CELSR1: variants seen among roughly 807,000 people sequenced by gnomAD.
CELSR1 encodes cadherin EGF LAG seven-pass G-type receptor 1, also known as adhesion G protein-coupled receptor C1.
A neutral mutation model predicts 249.1 loss-of-function variants in CELSR1; 110 were observed. The observed-to-expected ratio is 0.44, with a 90% confidence interval of 0.38 to 0.52. CELSR1 has a LOEUF of 0.52. Among genes scored for constraint, CELSR1 ranks in the 20% least tolerant of loss-of-function variants. The pLI is 0.00. For synonymous variants in CELSR1, 2,113 were observed against 1,900.0 expected, an observed-to-expected ratio of 1.11 and a Z score of -2.92; for missense variants, 4,109 against 4,296.4, an observed-to-expected ratio of 0.96 and a Z score of 1.22.
chr22:46,436,155 C>A lies in CELSR1; in HGVS notation c.4522+19G>T. On this transcript the variant is annotated intron_variant, in intron 4 of 34. Transcript: ENST00000674500. This position sits in a 1 kb window ranked among gnomAD's most constrained non-coding sequence, Gnocchi z 5.9. ...CTGTGAATTGCTCAGAGCTGCCCTT[C>A]CTGGGGAGAAGGCCCCACCTGCAGA... is the stretch of plus-strand genomic sequence containing the variant. 1 of 1,603,818 alleles carries A rather than the reference C, an allele frequency of 6.2e-7. No individual in the cohort carries two copies. Among genetic ancestry groups the A allele is most frequent in the Non-Finnish European group, 8.5e-7 (1 of 1,171,102 alleles).
chr22:46,477,929 C>T (rs1411315041), intron 1 of CELSR1, among the ~76,000 whole-genome samples: 2 of 152,144 alleles, frequency 1.3e-5, no homozygotes, highest in South Asian at 2.1e-4. Context: ...GGTGCCAGCC[C>T]CCGGGAGGAT....
rs1349602031 is a variant in CELSR1 at position 46,397,668 on chromosome 22, T to A, written c.5701+6A>T. The A allele has an allele frequency of 3.4e-6, 5 of 1,488,012 alleles. No homozygotes were observed. Among genetic ancestry groups the A allele is most frequent in the East Asian group, 5.2e-5 (2 of 38,710 alleles). 92.2% of individuals were successfully genotyped at this position (1,488,012 alleles called of 1,614,324 possible). A position where few individuals can be genotyped will look rare whatever the true frequency, so the allele number is the denominator to read the frequency against. On this transcript the variant is annotated splice_donor_region_variant and intron_variant, in intron 12 of 34. Transcript: ENST00000674500. ...TCACTGAAGGGCCCCGGGAGGGCGGTCCCACCTTTGTCACAGACGCAGCTG... is the reference window on the plus strand; with the variant it reads ...TCACTGAAGGGCCCCGGGAGGGCGGACCCACCTTTGTCACAGACGCAGCTG...
chr22:46,462,141 C>T lies in CELSR1; in HGVS notation c.4183+1566G>A, dbSNP rs376964911. Reference sequence around the variant, plus strand: ...GCCTGCCTTGCCCACAGCCGAGCCCCGGTATAGCCAGGAATTTAGGATTAG... The same window carrying T: ...GCCTGCCTTGCCCACAGCCGAGCCCTGGTATAGCCAGGAATTTAGGATTAG... On this transcript the variant is annotated intron_variant, in intron 2 of 34. Coordinates refer to ENST00000674500, the MANE Select transcript of CELSR1 (RefSeq NM_001378328.1). Among the ~76,000 whole-genome samples the T allele has an allele frequency of 3.3e-5, 5 of 152,336 alleles. 1 individual carries two copies. In the South Asian group the frequency reaches 6.2e-4, roughly 19 times the overall value.
rs77749125 is a variant in CELSR1, at chr22:46,485,929, C to CTT, written c.3545-21586_3545-21585dup. On this transcript the variant is annotated intron_variant, in intron 1 of 34. Transcript: ENST00000674500. The stretch of plus-strand genomic sequence containing the variant: ...TTAATATGCTCTAACCTTTCAGGTA[C>CTT]TTTTTTTTTTTTTTTTTTTTTTTTT... 6.1e-4 allele frequency among the ~76,000 whole-genome samples: 64 copies of CTT among 104,784 alleles called. 2 individuals carry two copies. The highest frequency in any genetic ancestry group is 9.0e-4 in the Non-Finnish European group (51 of 56,970). The allele number at this position is 104,784 out of a possible 152,430, so 68.7% of individuals were successfully genotyped here.
chr22:46,376,339 T>C (rs2078917784), intron 24 of CELSR1, among the ~76,000 whole-genome samples: 2 of 152,258 alleles, frequency 1.3e-5, no homozygotes. Context: ...GCAAATTCTC[T>C]AACGGTGAGA....
chr22:46,384,477 C>CG (rs1195488812), intron 20 of CELSR1, 66 bp downstream of exon 20: 27 of 1,506,480 alleles, frequency 1.8e-5, no homozygotes, highest in Non-Finnish European at 2.4e-5. Flanking sequence ...ATGCCCGCAG[C>CG]GGGGCCCTCC....
At position 46,363,950 on chromosome 22, in the gene CELSR1, A is replaced by G; in HGVS notation, c.9035+46T>C. The G allele has an allele frequency of 2.6e-6, 4 of 1,526,296 alleles. No individual in the cohort carries two copies. Among genetic ancestry groups the G allele is most frequent in the Non-Finnish European group, 2.6e-6 (3 of 1,137,034 alleles). The allele number at this position is 1,526,296 out of a possible 1,614,324, so 94.5% of individuals were successfully genotyped here. ...CCCCCTCTCTCTCCTGACTCAGGAC[A>G]AGGGGGAAGTGGGTGATCCCCGCCC... is the stretch of plus-strand genomic sequence containing the variant. On this transcript the variant is annotated intron_variant, in intron 34 of 34. Transcript: ENST00000674500. The surrounding 1 kb of genome is among the most constrained non-coding windows in gnomAD (Gnocchi z 4.3).
In CELSR1 at chr22:46,536,765, G is replaced by C. The variant is rs1273186466; in HGVS notation, c.406C>G (p.Pro136Ala). The change falls in exon 1 of 35, where the codon CCC (proline) becomes GCC (alanine). Residue 136 changes from proline to alanine, a missense_variant. By Grantham distance (27) the Pro-to-Ala change is conservative (BLOSUM62 -1). Transcript: ENST00000674500. ...RLCGALCFPVPGGCAAAQHSA... is the reference protein window; with the variant it reads ...RLCGALCFPVAGGCAAAQHSA... ...TGCTGCGCGGCCGCGCAGCCGCCGG[G>C]GACGGGGAAGCAGAGCGCCCCGCAG... 3 of 1,184,110 alleles carry C rather than the reference G, an allele frequency of 2.5e-6. No homozygotes were observed. Among genetic ancestry groups the C allele is most frequent in the Middle Eastern group, 3.5e-4 (1 of 2,878 alleles). The allele number at this position is 1,184,110 out of a possible 1,614,324, so 73.4% of individuals were successfully genotyped here.
rs368572137 is a variant in CELSR1, at chr22:46,473,066, G to A, written c.3545-8721C>T. 2.2e-4 allele frequency among the ~76,000 whole-genome samples: 33 copies of A among 152,238 alleles called. No individual in the cohort carries two copies. Among genetic ancestry groups the A allele is most frequent in the South Asian group, 8.3e-4 (4 of 4,814 alleles). On this transcript the variant is annotated intron_variant, in intron 1 of 34. Coordinates refer to ENST00000674500, the MANE Select transcript of CELSR1 (RefSeq NM_001378328.1). This position sits in a 1 kb window ranked among gnomAD's most constrained non-coding sequence, Gnocchi z 6.6. ...CAGAGTAGCGGAGAGACACGGGCAC[G>A]GAGGCAGGGGGTGGGTGAACCTCCG... is the stretch of plus-strand genomic sequence containing the variant.
In CELSR1 at chr22:46,391,905, C is replaced by T; in HGVS notation, c.5965-89G>A. 7.2e-7 allele frequency: 1 copy of T among 1,386,316 alleles called. No individual in the cohort carries two copies. The highest frequency in any genetic ancestry group is 9.8e-7 in the Non-Finnish European group (1 of 1,021,570). 85.9% of individuals were successfully genotyped at this position (1,386,316 alleles called of 1,614,324 possible). A position where few individuals can be genotyped will look rare whatever the true frequency, so the allele number is the denominator to read the frequency against. On this transcript the variant is annotated intron_variant, in intron 14 of 34. Coordinates refer to ENST00000674500, the MANE Select transcript of CELSR1 (RefSeq NM_001378328.1). This position sits in a 1 kb window ranked among gnomAD's most constrained non-coding sequence, Gnocchi z 4.3. ...TGTTTCCCGAGCGACGTCCAGACTC[C>T]CACCCGGGTGTGTGTGTTGGCCGCC... is the stretch of plus-strand genomic sequence containing the variant.
chr22:46,391,622 G>T lies in CELSR1; in HGVS notation c.6148+11C>A. The T allele has an allele frequency of 1.3e-6, 2 of 1,583,658 alleles. No individual in the cohort carries two copies. Among genetic ancestry groups the T allele is most frequent in the South Asian group, 2.3e-5 (2 of 88,294 alleles). On this transcript the variant is annotated intron_variant, in intron 15 of 34. Transcript: ENST00000674500. The surrounding 1 kb of genome is among the most constrained non-coding windows in gnomAD (Gnocchi z 4.3). ...GCTGTAACCTGCAGGGTGTCGAGGG[G>T]CAACGCGGACCTTCACAGCCGAGCG...
At chr22:46,392,049 C>G (rs922855570) in intron 14 of CELSR1, among the ~76,000 whole-genome samples, 21 of 152,244 alleles carry the variant, frequency 1.4e-4, no homozygotes, top group African/African-American at 4.6e-4. Context: ...CACGCCCTCC[C>G]TCATGTCTTA....
Position 46,536,306 on chromosome 22 carries a change from C to T in CELSR1, c.865G>A (p.Asp289Asn). 1 of 1,612,746 alleles carries T rather than the reference C, an allele frequency of 6.2e-7. No individual in the cohort carries two copies. ...CGGAAGTAGCCCCGGGAGCGCTCGT[C>T]GAACAGCCCCTCCATGTAATAGCTC... ...RVSYYMEGLFDERSRGYFRID... is the reference protein window; with the variant it reads ...RVSYYMEGLFNERSRGYFRID... Residue 289 changes from aspartate to asparagine, a missense_variant, in exon 1 of 35, where the codon GAC (aspartate) becomes AAC (asparagine). Around this residue, in one of 7 missense-constraint regions of CELSR1, gnomAD observed 673 missense variants for 636.8 expected, o/e 1.06. Coordinates refer to ENST00000674500, the MANE Select transcript of CELSR1 (RefSeq NM_001378328.1).
At chr22:46,424,024 T>A (rs1368008082) in intron 5 of CELSR1, among the ~76,000 whole-genome samples, 2 of 152,096 alleles carry the variant, frequency 1.3e-5, no homozygotes, top group Non-Finnish European at 2.9e-5. Flanking sequence ...GGGTTATCCT[T>A]CAGAAAAACA....
At chr22:46,431,906 A>T (rs1425151591) in intron 5 of CELSR1, among the ~76,000 whole-genome samples, 1 of 152,212 alleles carries the variant, frequency 6.6e-6, no homozygotes, top group Non-Finnish European at 1.5e-5. Flanking sequence ...TTCTCCAAAC[A>T]TCAGCCAAGC....
chr22:46,419,086 G>A (rs2079436044), intron 5 of CELSR1, among the ~76,000 whole-genome samples: 2 of 152,132 alleles, frequency 1.3e-5, no homozygotes, highest in South Asian at 2.1e-4. Context: ...GCCAGACCCT[G>A]GACCAAAGCC....
At chr22:46,474,534 T>C (rs1397336592) in intron 1 of CELSR1, among the ~76,000 whole-genome samples, 1 of 152,198 alleles carries the variant, frequency 6.6e-6, no homozygotes, top group Non-Finnish European at 1.5e-5. Context: ...CAAATAAGTG[T>C]ATTTAATATA....
Position 46,512,712 on chromosome 22 carries a change from T to C in CELSR1, c.3544+20915A>G, listed in dbSNP as rs1055944718. Among the ~76,000 whole-genome samples the C allele has an allele frequency of 1.3e-5, 2 of 152,198 alleles. No individual in the cohort carries two copies. The highest frequency in any genetic ancestry group is 4.8e-5 in the African/African-American group (2 of 41,458). On this transcript the variant is annotated intron_variant, in intron 1 of 34. Coordinates refer to ENST00000674500, the MANE Select transcript of CELSR1 (RefSeq NM_001378328.1). The surrounding 1 kb of genome is among the most constrained non-coding windows in gnomAD (Gnocchi z 5.2). ...AGATCCCTCCACAGTCAACCCTTCT[T>C]GTCACGGGGATCAGGCACAGCTCCT...
At position 46,393,434 on chromosome 22, in the gene CELSR1, G is replaced by C. The variant is rs2079114974; in HGVS notation, c.5964+708C>G. 6.6e-6 allele frequency among the ~76,000 whole-genome samples: 1 copy of C among 152,230 alleles called. No homozygotes were observed. Among genetic ancestry groups the C allele is most frequent in the Admixed American group, 6.5e-5 (1 of 15,284 alleles). On this transcript the variant is annotated intron_variant, in intron 14 of 34. Transcript: ENST00000674500. This position sits in a 1 kb window ranked among gnomAD's most constrained non-coding sequence, Gnocchi z 4.1. ...AAACTGCTGTCATCATGGGACACCA[G>C]CTTGGTAAAGACCAGGAAAATGGCC...
Sources: gnomAD v4.1 joint callset for allele counts (sites outside exome capture counted in the v4.1 genomes callset) on GRCh38, gnomAD v4.1.1 for gene constraint, gnomAD v4.1.1 regional missense constraint, Gnocchi (gnomAD v3.1) non-coding constraint, MANE v1.5 for transcripts, NCBI Gene and HGNC (gene_info 2026-07-23, HGNC 2026-07-21) for gene names.